Variants in HERC1 observed in about 807,000 individuals in gnomAD.
HERC1 encodes probable E3 ubiquitin-protein ligase HERC1.
In HERC1, 160 loss-of-function variants were observed where a neutral mutation model predicts 554.3. The ratio of observed to expected loss-of-function variants is 0.29; its 90% confidence interval spans 0.25 to 0.33. HERC1 has a LOEUF of 0.33. Among genes scored for constraint, HERC1 ranks in the 10% least tolerant of loss-of-function variants. HERC1 has a pLI of 1.00. For synonymous variants in HERC1, 2,175 were observed against 2,131.7 expected (o/e 1.02, Z -0.56); for missense variants, 4,919 against 5,918.5 (o/e 0.83, Z 5.54).
intron 14 of HERC1, 61 bp from the exon 15 acceptor site, chr15:63,729,710 A>G: frequency 6.5e-7 from 1 of 1,535,636 alleles, no homozygotes. Flanking sequence ...GTAACAACCT[A>G]CCATAAATCT....
chr15:63,689,803 T>A (rs1050470827), intron 32 of HERC1, 104 bp from the exon 33 acceptor site: 9 of 629,428 alleles, frequency 1.4e-5, no homozygotes, highest in Middle Eastern at 3.7e-4. Context: ...CATGCGAAGT[T>A]TGATTATACC....
intron 33 of HERC1, among the ~76,000 whole-genome samples, chr15:63,687,474 G>A (rs975280817): frequency 6.6e-6 from 1 of 151,728 alleles, no homozygotes; most frequent in Non-Finnish European, 1.5e-5. Context: ...GGAGGCAGAG[G>A]TTGCAGTAAG....
chr15:63,655,709 G>A, intron 50 of HERC1, 33 bp downstream of exon 50: 1 of 1,367,076 alleles, frequency 7.3e-7, no homozygotes. Context: ...AAGTCGATTA[G>A]AAGACTGTAT....
intron 77 of HERC1, among the ~76,000 whole-genome samples, chr15:63,611,942 T>C (rs1164910725): frequency 1.3e-5 from 2 of 152,186 alleles, no homozygotes; most frequent in African/African-American, 4.8e-5. Context: ...CCCAGCACTT[T>C]GGGAGGCCAA....
At chr15:63,656,573 G>A (rs1219317447) in intron 48 of HERC1, among the ~76,000 whole-genome samples, 9 of 152,166 alleles carry the variant, frequency 5.9e-5, no homozygotes, top group Admixed American at 5.9e-4. Flanking sequence ...GCATATACTT[G>A]AAGTACAATT....
chr15:63,735,541 TAA>T (rs34912552), intron 12 of HERC1, among the ~76,000 whole-genome samples: 2 of 125,250 alleles, frequency 1.6e-5, no homozygotes. Context: ...ATTTAAAGTA[TAA>T]AAAAAAAAAA....
rs549361990 is a variant in HERC1, at chr15:63,672,007, T to G, written c.8045+489A>C. On this transcript the variant is annotated intron_variant, in intron 39 of 77. Transcript: ENST00000443617. Reference sequence around the variant, plus strand: ...AATTTACAAACCTATTAAAATAGAGTTGGCTAAAGAAGCATCATAAGACAT... The same window carrying G: ...AATTTACAAACCTATTAAAATAGAGGTGGCTAAAGAAGCATCATAAGACAT... 2.6e-5 allele frequency among the ~76,000 whole-genome samples: 4 copies of G among 152,156 alleles called. No individual in the cohort carries two copies. The East Asian group carries it at 7.7e-4, about 29-fold the overall frequency.
chr15:63,680,629 T>G lies in HERC1; in HGVS notation c.6373A>C (p.Thr2125Pro). The G allele has an allele frequency of 6.2e-7, 1 of 1,613,202 alleles. No individual in the cohort carries two copies. Among genetic ancestry groups the G allele is most frequent in the Non-Finnish European group, 8.5e-7 (1 of 1,179,352 alleles). The change falls in exon 35 of 78, where the codon ACT becomes CCT. Residue 2125 changes from threonine to proline, a missense_variant. Physicochemically the swap from Thr to Pro is conservative, Grantham distance 38. Transcript: ENST00000443617. The surrounding 1 kb of genome is among the most constrained non-coding windows in gnomAD (Gnocchi z 5.8). ...SGNLYHNGEQ[T>P]LTLSSFTQGD... ...TGAGTAAAGCTGGACAATGTGAGAGTCTGTTCTCCATTGTGATAGAGGTTA... is the reference window on the plus strand; with the variant it reads ...TGAGTAAAGCTGGACAATGTGAGAGGCTGTTCTCCATTGTGATAGAGGTTA...
intron 2 of HERC1, among the ~76,000 whole-genome samples, chr15:63,764,608 T>C (rs1183412177): frequency 6.6e-6 from 1 of 152,120 alleles, no homozygotes; most frequent in African/African-American, 2.4e-5. Context: ...GCTTTAGTAA[T>C]GACGTGACCA....
intron 1 of HERC1, among the ~76,000 whole-genome samples, chr15:63,806,799 T>C (rs1455205907): frequency 6.6e-6 from 1 of 152,256 alleles, no homozygotes; most frequent in Non-Finnish European, 1.5e-5. Flanking sequence ...CGAGACAGTC[T>C]TGCTCTGTCA....
intron 38 of HERC1, among the ~76,000 whole-genome samples, chr15:63,673,277 A>G (rs1315114153): frequency 6.6e-6 from 1 of 152,222 alleles, no homozygotes; most frequent in Non-Finnish European, 1.5e-5. Context: ...GAGTTGCTAC[A>G]AAGACAAGTA....
chr15:63,765,012 A>G (rs984132728), intron 2 of HERC1, among the ~76,000 whole-genome samples: 5 of 152,172 alleles, frequency 3.3e-5, no homozygotes, highest in African/African-American at 1.2e-4. Flanking sequence ...TGAGACTCCA[A>G]TTCACCCTGA....
chr15:63,645,600 C>T lies in HERC1; in HGVS notation c.10961G>A (p.Gly3654Asp). Residue 3654 changes from glycine (G) to aspartate (D), a missense_variant, in exon 56 of 78, where the codon GGC becomes GAC. Transcript: ENST00000443617. ...CAKEDSVKLW[G>D]SISGCWCCLH... is the part of the protein sequence containing the mutation. The stretch of plus-strand genomic sequence containing the variant: ...ACAGCACCAGCATCCCGAAATAGAG[C>T]CCCAGAGTTTCACACTGTCTTCTTT... 2.5e-6 allele frequency: 4 copies of T among 1,612,766 alleles called. No individual in the cohort carries two copies. Among genetic ancestry groups the T allele is most frequent in the Middle Eastern group, 1.7e-4 (1 of 6,060 alleles).
chr15:63,742,599 A>G (rs534605706), intron 12 of HERC1, among the ~76,000 whole-genome samples: 3 of 152,296 alleles, frequency 2.0e-5, no homozygotes, highest in East Asian at 3.9e-4. Context: ...GATATTAACT[A>G]TAACTTTTTC....
intron 55 of HERC1, among the ~76,000 whole-genome samples, chr15:63,646,276 C>T (rs892301004): frequency 1.1e-4 from 17 of 152,134 alleles, no homozygotes; most frequent in Non-Finnish European, 2.4e-4. Flanking sequence ...TCTTCATGAA[C>T]GGAATTTCTG....
At chr15:63,695,042 T>C (rs2072321201) in intron 27 of HERC1, 148 bp from the exon 28 acceptor site, 2 of 641,968 alleles carry the variant, frequency 3.1e-6, no homozygotes, top group Non-Finnish European at 4.5e-6. Context: ...AAGTATATAA[T>C]AATTTTTTTT....
chr15:63,777,789 ATATAGGTAATCACC>A (rs577375343), intron 1 of HERC1, among the ~76,000 whole-genome samples: 86 of 152,314 alleles, frequency 5.6e-4, no homozygotes, highest in Non-Finnish European at 1.1e-3. Flanking sequence ...ATTCTAGATT[ATATAGGTAATCACC>A]TATACAAAAC....
At chr15:63,632,387 C>G in intron 68 of HERC1, 1 of 372,304 alleles carries the variant, frequency 2.7e-6, no homozygotes, top group Non-Finnish European at 5.1e-6. Flanking sequence ...AGGCAGGACA[C>G]AGAGGAGCTC....
intron 64 of HERC1, chr15:63,637,214 C>T: frequency 2.0e-6 from 1 of 508,252 alleles, no homozygotes. Context: ...CTGCTATTAA[C>T]ATCTGCCTAC....
Sources: allele counts gnomAD v4.1 joint callset (sites outside exome capture counted in the v4.1 genomes callset), GRCh38; gene constraint gnomAD v4.1.1; non-coding constraint Gnocchi (gnomAD v3.1); transcripts MANE v1.5; gene names NCBI Gene and HGNC (gene_info 2026-07-23, HGNC 2026-07-21).